Variants in IGF2BP2 observed in about 807,000 individuals in gnomAD.
IGF2BP2 encodes insulin like growth factor 2 mRNA binding protein 2, also known as insulin-like growth factor 2 mRNA-binding protein 2.
In IGF2BP2, 17 loss-of-function variants were observed where a neutral mutation model predicts 75.8. The ratio of observed to expected loss-of-function variants is 0.22; its 90% CI spans 0.15 to 0.34. IGF2BP2 has a LOEUF of 0.34. IGF2BP2 is among the 10% of genes least tolerant of loss of function. The pLI is 1.00. For synonymous variants in IGF2BP2, 288 were observed against 295.6 expected (o/e 0.97, Z 0.26); for missense variants, 516 against 772.4 (o/e 0.67, Z 3.93).
intron 2 of IGF2BP2, among the ~76,000 whole-genome samples, chr3:185,819,782 T>A (rs1237208038): frequency 2.0e-5 from 3 of 152,126 alleles, no homozygotes; most frequent in Admixed American, 6.5e-5. Flanking sequence ...AAAAGTCATT[T>A]CTGTTTCTAG....
intron 2 of IGF2BP2, among the ~76,000 whole-genome samples, chr3:185,794,004 G>A (rs1275184681): frequency 6.8e-6 from 1 of 147,976 alleles, no homozygotes; most frequent in Non-Finnish European, 1.5e-5. Context: ...TGTCGCCCAG[G>A]CTAGAGTGCA....
chr3:185,763,662 C>T (rs932400766), intron 2 of IGF2BP2, among the ~76,000 whole-genome samples: 1 of 152,182 alleles, frequency 6.6e-6, no homozygotes, highest in Non-Finnish European at 1.5e-5. Flanking sequence ...AAATAAATAA[C>T]ACCACCATAT....
intron 2 of IGF2BP2, among the ~76,000 whole-genome samples, chr3:185,791,288 G>A (rs977457342): frequency 2.0e-5 from 3 of 152,186 alleles, no homozygotes; most frequent in African/African-American, 7.2e-5. Flanking sequence ...CAGCTCTGAC[G>A]AAGAGTTCGA....
chr3:185,763,045 GTTTT>G (rs898174381), intron 2 of IGF2BP2, among the ~76,000 whole-genome samples: 45 of 152,086 alleles, frequency 3.0e-4, no homozygotes, highest in African/African-American at 1.1e-3. Flanking sequence ...CTGTATAGAT[GTTTT>G]TTTGTTTTGT....
At position 185,645,357 on chromosome 3, in the gene IGF2BP2, T is replaced by C; in HGVS notation, c.*174A>G. ...CCTGGCTGACCTTCCCCGCCCCTCC[T>C]CGGCCCCTGGGGTTCTCAGGGCCTC... On this transcript the variant is annotated 3_prime_UTR_variant, in exon 16 of 16. Coordinates refer to ENST00000382199, the MANE Select transcript of IGF2BP2 (RefSeq NM_006548.6). This position sits in a 1 kb window ranked among gnomAD's most constrained non-coding sequence, Gnocchi z 4.9. 1.7e-6 allele frequency: 1 copy of C among 586,636 alleles called. No homozygotes were observed. Among genetic ancestry groups the C allele is most frequent in the East Asian group, 2.8e-5 (1 of 35,706 alleles). The allele number at this position is 586,636 out of a possible 1,614,324, so 36.3% of individuals were successfully genotyped here. A position where few individuals can be genotyped will look rare whatever the true frequency, so the allele number is the denominator to read the frequency against.
intron 2 of IGF2BP2, among the ~76,000 whole-genome samples, chr3:185,801,319 G>A (rs71320321): frequency 0.39 from 59,009 of 151,600 alleles, 12,405 homozygotes; most frequent in African/African-American, 0.57. Flanking sequence ...GAGAAACCCC[G>A]TCTCTACTAA....
At chr3:185,819,228 C>T (rs991357223) in intron 2 of IGF2BP2, among the ~76,000 whole-genome samples, 5 of 152,058 alleles carry the variant, frequency 3.3e-5, no homozygotes, top group African/African-American at 1.2e-4. Flanking sequence ...AGCTGCACTA[C>T]ATATCACAAA....
At chr3:185,767,700 C>T (rs948104965) in intron 2 of IGF2BP2, 1 of 153,836 alleles carries the variant, frequency 6.5e-6, no homozygotes, top group Non-Finnish European at 1.5e-5. Flanking sequence ...TAAAATAAGG[C>T]TGCTGAAATG....
intron 10 of IGF2BP2, among the ~76,000 whole-genome samples, chr3:185,664,671 G>A (rs1408055513): frequency 6.6e-6 from 1 of 152,224 alleles, no homozygotes; most frequent in Non-Finnish European, 1.5e-5. Context: ...AAACTCAGTA[G>A]AGGATGTACA....
intron 2 of IGF2BP2, among the ~76,000 whole-genome samples, chr3:185,804,230 T>G (rs1193220164): frequency 7.4e-6 from 1 of 135,556 alleles, no homozygotes; most frequent in African/African-American, 2.9e-5. Context: ...TACTCCAGCC[T>G]GGACAACAGA....
chr3:185,650,442 C>T (rs948799388), intron 13 of IGF2BP2, among the ~76,000 whole-genome samples: 1 of 151,972 alleles, frequency 6.6e-6, no homozygotes, highest in Non-Finnish European at 1.5e-5. Flanking sequence ...TTTGGAAGGT[C>T]GAGGTGGACA....
chr3:185,762,185 C>A (rs1318191077), intron 2 of IGF2BP2, among the ~76,000 whole-genome samples: 2 of 151,800 alleles, frequency 1.3e-5, no homozygotes, highest in Non-Finnish European at 2.9e-5. Flanking sequence ...GTCAAGAGTT[C>A]GAGAGCAGCC....
chr3:185,705,665 A>T (rs1445287478), intron 2 of IGF2BP2, among the ~76,000 whole-genome samples: 2 of 152,196 alleles, frequency 1.3e-5, no homozygotes, highest in East Asian at 3.8e-4. Flanking sequence ...TATTTCTCAC[A>T]GTTCTGGAGG....
rs1577979043 is a variant in IGF2BP2, at chr3:185,689,590, A to G, written c.442T>C (p.Tyr148His). ...EKLSGHQFEN[Y>H]SFKISYIPDE... ...GGGATGTAGGAAATCTTGAAGGAGT[A>G]GTTCTCAAACTGATGCCCGCTTAGC... The change falls in exon 6 of 16, where the codon TAC becomes CAC. Residue 148 changes from tyrosine (Y) to histidine (H), a missense_variant. By Grantham distance (83) the Tyr-to-His change is moderately conservative (BLOSUM62 2). Coordinates refer to ENST00000382199, the MANE Select transcript of IGF2BP2 (RefSeq NM_006548.6). 3.1e-6 allele frequency: 5 copies of G among 1,614,074 alleles called. No homozygotes were observed. The African/African-American group carries it at 4.0e-5, about 13-fold the overall frequency.
In IGF2BP2 at chr3:185,740,966, C is replaced by T. The variant is rs1014859893; in HGVS notation, c.240-42619G>A. ...GATCTCGGCTCACTGCAACCTCCGC[C>T]TCCCAGGTTCAAGCAATTCTCCTGC... On this transcript the variant is annotated intron_variant, in intron 2 of 15. Transcript: ENST00000382199. Among the ~76,000 whole-genome samples the T allele has an allele frequency of 7.2e-5, 11 of 152,358 alleles. 1 individual carries two copies. The highest frequency in any genetic ancestry group is 2.4e-4 in the African/African-American group (10 of 41,588).
chr3:185,674,073 G>A (rs1425604188), intron 9 of IGF2BP2, among the ~76,000 whole-genome samples: 1 of 152,230 alleles, frequency 6.6e-6, no homozygotes, highest in Non-Finnish European at 1.5e-5. Flanking sequence ...CTGCTAAGGT[G>A]GGGGTCGGGG....
Position 185,824,864 on chromosome 3 carries a change from G to T in IGF2BP2, c.97C>A (p.Gln33Lys), listed in dbSNP as rs1451579571. The change falls in exon 1 of 16, where the codon CAG becomes AAG. Residue 33 changes from glutamine (Q) to lysine (K), a missense_variant. Physicochemically the swap from Gln to Lys is moderately conservative, Grantham distance 53. Coordinates refer to ENST00000382199, the MANE Select transcript of IGF2BP2 (RefSeq NM_006548.6). Reference protein sequence around the residue: ...FGDRKLPLAGQVLLKSGYAFV... With the variant: ...FGDRKLPLAGKVLLKSGYAFV... ...GCGTAGCCGGACTTCAGCAGGACCT[G>T]TCCCGCCAGGGGCAGCTTCCTGTCC... The T allele has an allele frequency of 6.4e-7, 1 of 1,561,824 alleles. No homozygotes were observed. Among genetic ancestry groups the T allele is most frequent in the Admixed American group, 1.9e-5 (1 of 53,944 alleles).
chr3:185,746,642 G>T (rs1730283311), intron 2 of IGF2BP2, among the ~76,000 whole-genome samples: 1 of 152,190 alleles, frequency 6.6e-6, no homozygotes, highest in Non-Finnish European at 1.5e-5. Context: ...TTATGAGGAA[G>T]ATTATATATG....
intron 2 of IGF2BP2, among the ~76,000 whole-genome samples, chr3:185,806,121 T>C (rs1306567827): frequency 6.6e-6 from 1 of 152,138 alleles, no homozygotes; most frequent in Non-Finnish European, 1.5e-5. Context: ...AAGTAAATCT[T>C]AAACTCAGTC....
Sources: gnomAD v4.1 joint callset for allele counts (sites outside exome capture counted in the v4.1 genomes callset) on GRCh38, gnomAD v4.1.1 for gene constraint, Gnocchi (gnomAD v3.1) non-coding constraint, MANE v1.5 for transcripts, NCBI Gene and HGNC (gene_info 2026-07-23, HGNC 2026-07-21) for gene names.